PRDM16: variants seen among roughly 807,000 people sequenced by gnomAD.
PRDM16 encodes the protein histone-lysine N-methyltransferase PRDM16.
In PRDM16, 23 loss-of-function variants were observed where a neutral mutation model predicts 110.6. That is an observed-to-expected ratio of 0.21 (90% confidence interval 0.15 to 0.29). PRDM16 has a LOEUF of 0.29. Ranked by LOEUF, PRDM16 falls within the 10% of genes least tolerant of loss-of-function variation. The pLI is 1.00. For missense variants in PRDM16, 1,615 were observed against 1,794.3 expected, an observed-to-expected ratio of 0.90 and a Z score of 1.81; for synonymous variants, 799 against 781.8, an observed-to-expected ratio of 1.02 and a Z score of -0.37.
Position 3,436,622 on chromosome 1 carries a change from G to T in PRDM16, c.*2811G>T. ...ACTTAGTGTGGCCCCAGGCCCCAGC[G>T]AGCCTCGCCCTCCCAGTTTTGCTCT... is the stretch of plus-strand genomic sequence containing the variant. On this transcript the variant is annotated 3_prime_UTR_variant, in exon 17 of 17. Transcript: ENST00000270722. The T allele has an allele frequency of 4.3e-6, 1 of 232,490 alleles. No individual in the cohort carries two copies. The highest frequency in any genetic ancestry group is 2.2e-5 in the African/African-American group (1 of 45,414). 14.4% of individuals were successfully genotyped at this position (232,490 alleles called of 1,614,324 possible). A position where few individuals can be genotyped will look rare whatever the true frequency, so the allele number is the denominator to read the frequency against.
At chr1:3,317,548 C>T (rs991977112) in intron 3 of PRDM16, among the ~76,000 whole-genome samples, 5 of 152,234 alleles carry the variant, frequency 3.3e-5, no homozygotes, top group African/African-American at 4.8e-5. Context: ...CCAGACCCCA[C>T]TCCCTCTCAG....
At chr1:3,191,521 C>T (rs1638309091) in intron 2 of PRDM16, among the ~76,000 whole-genome samples, 1 of 152,200 alleles carries the variant, frequency 6.6e-6, no homozygotes. Flanking sequence ...GTAGAGCCTG[C>T]ACTCTGAGAA....
intron 3 of PRDM16, among the ~76,000 whole-genome samples, chr1:3,264,725 C>G (rs1214444904): frequency 6.6e-6 from 1 of 151,524 alleles, no homozygotes; most frequent in Non-Finnish European, 1.5e-5. Context: ...AGGGGGCTTG[C>G]AGGTCCCATG....
rs1356725275 is a variant in PRDM16 at position 3,069,433 on chromosome 1, G to A, written c.37+137G>A. On this transcript the variant is annotated intron_variant, in intron 1 of 16. Coordinates refer to ENST00000270722, the MANE Select transcript of PRDM16 (RefSeq NM_022114.4). The surrounding 1 kb of genome is among the most constrained non-coding windows in gnomAD (Gnocchi z 6.1). ...GCCCCCGGCTCGGCCGCGCGGCCCG[G>A]GGGGCTGCTCCGCCTCCCGCGCTCC... 1 of 147,920 alleles carries A rather than the reference G, an allele frequency of 6.8e-6. No homozygotes were observed. Among genetic ancestry groups the A allele is most frequent in the Non-Finnish European group, 1.4e-5 (1 of 69,210 alleles). 9.2% of individuals were successfully genotyped at this position (147,920 alleles called of 1,614,324 possible).
At chr1:3,225,545 TG>T (rs1456458697) in intron 2 of PRDM16, among the ~76,000 whole-genome samples, 1 of 147,618 alleles carries the variant, frequency 6.8e-6, no homozygotes, top group Non-Finnish European at 1.5e-5. Flanking sequence ...TGTGTGTGTG[TG>T]TGTGTGTGTG....
intron 1 of PRDM16, among the ~76,000 whole-genome samples, chr1:3,172,780 G>C: frequency 6.6e-6 from 1 of 152,216 alleles, no homozygotes; most frequent in East Asian, 1.9e-4. Context: ...GGTGGCTGCC[G>C]GGGCTGGGGG....
intron 1 of PRDM16, among the ~76,000 whole-genome samples, chr1:3,146,508 T>C (rs929191660): frequency 4.9e-5 from 7 of 141,462 alleles, no homozygotes; most frequent in African/African-American, 1.8e-4. Flanking sequence ...TGTGTGCAAG[T>C]GTGTGTGCTC....
At chr1:3,160,924 T>G (rs1427295849) in intron 1 of PRDM16, among the ~76,000 whole-genome samples, 1 of 152,206 alleles carries the variant, frequency 6.6e-6, no homozygotes, top group Non-Finnish European at 1.5e-5. Context: ...TCGGGCAGGA[T>G]GCAGCCGGTG....
chr1:3,324,574 A>T (rs1040512217), intron 3 of PRDM16, among the ~76,000 whole-genome samples: 4 of 152,006 alleles, frequency 2.6e-5, no homozygotes, highest in Non-Finnish European at 5.9e-5. Context: ...CAACATCCGA[A>T]CAGCCGAGCG....
intron 2 of PRDM16, among the ~76,000 whole-genome samples, chr1:3,223,720 G>T (rs1024577289): frequency 1.3e-5 from 2 of 152,138 alleles, no homozygotes; most frequent in Non-Finnish European, 2.9e-5. Flanking sequence ...CACAGACCAG[G>T]TGCAAGAGGT....
At chr1:3,293,006 C>T (rs1641011257) in intron 3 of PRDM16, among the ~76,000 whole-genome samples, 1 of 152,242 alleles carries the variant, frequency 6.6e-6, no homozygotes, top group Admixed American at 6.5e-5. Flanking sequence ...AGCCTCAGTT[C>T]GGCTGTCTTT....
intron 1 of PRDM16, among the ~76,000 whole-genome samples, chr1:3,070,837 C>A (rs1337419572): frequency 6.6e-6 from 1 of 152,224 alleles, no homozygotes; most frequent in Non-Finnish European, 1.5e-5. Context: ...CGCTCCTGCG[C>A]CCCGCCATCG....
chr1:3,266,985 T>C (rs555237932), intron 3 of PRDM16, among the ~76,000 whole-genome samples: 10 of 152,352 alleles, frequency 6.6e-5, no homozygotes, highest in African/African-American at 2.4e-4. Context: ...GCCACGTGCA[T>C]TTTAGAGCCA....
At chr1:3,197,925 G>T (rs1327765961) in intron 2 of PRDM16, among the ~76,000 whole-genome samples, 3 of 152,230 alleles carry the variant, frequency 2.0e-5, no homozygotes, top group African/African-American at 7.2e-5. Context: ...CCTCCCGCCA[G>T]GCCTGCTGCT....
intron 12 of PRDM16, among the ~76,000 whole-genome samples, chr1:3,422,875 G>A (rs901223980): frequency 2.0e-5 from 3 of 152,218 alleles, no homozygotes; most frequent in Non-Finnish European, 2.9e-5. Context: ...GCTGGGACCC[G>A]GGTGCCCGGA....
intron 1 of PRDM16, chr1:3,133,035 C>T (rs909487759): frequency 1.3e-5 from 2 of 152,300 alleles, no homozygotes; most frequent in East Asian, 1.9e-4. Flanking sequence ...AAACAGCGTC[C>T]GTGCAGCAGG....
intron 1 of PRDM16, among the ~76,000 whole-genome samples, chr1:3,165,386 GAC>G (rs1643939964): frequency 6.7e-6 from 1 of 149,738 alleles, no homozygotes; most frequent in African/African-American, 2.5e-5. Flanking sequence ...CAGAGACAGG[GAC>G]TCACCAGGGC....
chr1:3,324,030 C>A (rs1370945935), intron 3 of PRDM16, among the ~76,000 whole-genome samples: 1 of 152,204 alleles, frequency 6.6e-6, no homozygotes, highest in Admixed American at 6.5e-5. Context: ...CTGCCACCCT[C>A]CCTCCGTCTG....
intron 3 of PRDM16, among the ~76,000 whole-genome samples, chr1:3,292,605 C>T (rs1277154349): frequency 2.0e-5 from 3 of 152,030 alleles, no homozygotes; most frequent in Non-Finnish European, 4.4e-5. Context: ...AGTGGCTTGT[C>T]CAGACGGAAG....
Sources: allele counts gnomAD v4.1 joint callset (sites outside exome capture counted in the v4.1 genomes callset), GRCh38; gene constraint gnomAD v4.1.1; non-coding constraint Gnocchi (gnomAD v3.1); transcripts MANE v1.5; gene names NCBI Gene and HGNC (gene_info 2026-07-23, HGNC 2026-07-21).